The following TRANK1 variants were observed in gnomAD, a reference collection of about 807,000 sequenced individuals.
TRANK1 encodes TPR and ankyrin repeat-containing protein 1.
In TRANK1, 198 loss-of-function variants were observed where a neutral mutation model predicts 266.0. The ratio of observed to expected loss-of-function variants is 0.74; its 90% CI spans 0.66 to 0.84. TRANK1 has a LOEUF of 0.84. Among genes scored for constraint, TRANK1 ranks in the 40% least tolerant of loss-of-function variants. TRANK1 has a pLI of 0.00. For missense variants in TRANK1, 3,326 were observed against 3,634.6 expected (o/e 0.92, Z 2.18); for synonymous variants, 1,396 against 1,384.1 (o/e 1.01, Z -0.19).
intron 3 of TRANK1, among the ~76,000 whole-genome samples, chr3:36,902,056 G>C (rs1056946713): frequency 2.6e-5 from 4 of 152,158 alleles, no homozygotes; most frequent in African/African-American, 9.7e-5. Context: ...GGCCATATTG[G>C]AAGAAGAATT....
intron 1 of TRANK1, 25 bp downstream of exon 1, chr3:36,944,762 C>A: frequency 6.7e-7 from 1 of 1,501,854 alleles, no homozygotes; most frequent in Admixed American, 2.1e-5. Context: ...AGAGATGCCC[C>A]AGTGCTTCCC....
chr3:36,840,417 T>A (rs553541696), intron 18 of TRANK1, among the ~76,000 whole-genome samples: 12 of 152,196 alleles, frequency 7.9e-5, no homozygotes, highest in African/African-American at 2.9e-4. Context: ...TAAATTGTAC[T>A]TTTCACCCCA....
At chr3:36,867,162 T>C (rs1039334683) in intron 9 of TRANK1, among the ~76,000 whole-genome samples, 1 of 149,950 alleles carries the variant, frequency 6.7e-6, no homozygotes, top group African/African-American at 2.5e-5. Flanking sequence ...AAAATACCTA[T>C]GAAGACAAAC....
At chr3:36,938,184 C>T (rs1218868533) in intron 1 of TRANK1, among the ~76,000 whole-genome samples, 3 of 152,098 alleles carry the variant, frequency 2.0e-5, no homozygotes, top group Non-Finnish European at 4.4e-5. Context: ...AATCGGAGTT[C>T]TAGCCTCTGG....
chr3:36,863,628 G>A (rs932890824), intron 10 of TRANK1, among the ~76,000 whole-genome samples: 5 of 152,178 alleles, frequency 3.3e-5, no homozygotes, highest in East Asian at 1.9e-4. Flanking sequence ...ATTATCTCAC[G>A]AGGTTAGTTC....
chr3:36,826,858 C>A lies in TRANK1; in HGVS notation c.*1417G>T, dbSNP rs558267225. On this transcript the variant is annotated 3_prime_UTR_variant, in exon 24 of 24. Coordinates refer to ENST00000645898, the MANE Select transcript of TRANK1 (RefSeq NM_001329998.2). ...TAACTTTATAAAAAATGTGATAATA[C>A]AGCAAGATATTGTTGGGGTTTTCTT... 2 of 151,884 alleles carry A rather than the reference C, an allele frequency of 1.3e-5. No homozygotes were observed. The highest frequency in any genetic ancestry group is 4.8e-5 in the African/African-American group (2 of 41,418). The allele number at this position is 151,884 out of a possible 1,614,324, so 9.4% of individuals were successfully genotyped here. A position where few individuals can be genotyped will look rare whatever the true frequency, so the allele number is the denominator to read the frequency against.
At chr3:36,926,505 C>A (rs2080290408) in intron 1 of TRANK1, among the ~76,000 whole-genome samples, 1 of 152,212 alleles carries the variant, frequency 6.6e-6, no homozygotes, top group South Asian at 2.1e-4. Flanking sequence ...TCATGGCAAT[C>A]ATCCACCGTG....
Position 36,899,097 on chromosome 3 carries a change from GTTCCAAC to G in TRANK1, c.433+5_433+11del, listed in dbSNP as rs777014746. On this transcript the variant is annotated splice_donor_5th_base_variant and intron_variant, in intron 4 of 23. Coordinates refer to ENST00000645898, the MANE Select transcript of TRANK1 (RefSeq NM_001329998.2). ...AAGGACTTTACAAAAAGTCTCCCCA[GTTCCAAC>G]TTACTGCTCATAGTGGTGAAGACTC... 11 of 1,536,888 alleles carry G rather than the reference GTTCCAAC, an allele frequency of 7.2e-6. No homozygotes were observed. The highest frequency in any genetic ancestry group is 9.6e-6 in the Non-Finnish European group (11 of 1,146,832).
At chr3:36,891,593 A>G (rs2079696788) in intron 7 of TRANK1, among the ~76,000 whole-genome samples, 3 of 152,232 alleles carry the variant, frequency 2.0e-5, no homozygotes, top group Non-Finnish European at 4.4e-5. Flanking sequence ...ACAAACTTCT[A>G]TCTAAAGTGT....
chr3:36,833,042 G>A lies in TRANK1; in HGVS notation c.6541C>T (p.Arg2181Trp), dbSNP rs752866562. 1.1e-5 allele frequency: 17 copies of A among 1,612,652 alleles called. No individual in the cohort carries two copies. Among genetic ancestry groups the A allele is most frequent in the Middle Eastern group, 1.6e-4 (1 of 6,084 alleles). The change falls in exon 22 of 24, where the codon CGG (arginine) becomes TGG (tryptophan). Residue 2181 changes from arginine (R) to tryptophan (W), a missense_variant. Physicochemically the swap from Arg to Trp is moderately radical, Grantham distance 101. Transcript: ENST00000645898. ...CGGTAGGTCTTCCCAAGCAGGCTCC[G>A]TGTGATCTGACACAGCCTGCCCAAA... ...HLLGRLCQITRSLLGKTYRGV... is the reference protein window; with the variant it reads ...HLLGRLCQITWSLLGKTYRGV...
chr3:36,869,712 A>C (rs890695794), intron 9 of TRANK1, among the ~76,000 whole-genome samples: 1 of 152,250 alleles, frequency 6.6e-6, no homozygotes, highest in Admixed American at 6.5e-5. Flanking sequence ...TGGGAGCTAA[A>C]GTCTAAAGCT....
chr3:36,927,973 C>T (rs1355986917), intron 1 of TRANK1, among the ~76,000 whole-genome samples: 2 of 152,124 alleles, frequency 1.3e-5, no homozygotes, highest in East Asian at 1.9e-4. Context: ...ACTAAATTCT[C>T]GTGGAATTAC....
intron 9 of TRANK1, 103 bp downstream of exon 9, chr3:36,874,023 T>C (rs902493091): frequency 3.8e-6 from 4 of 1,049,436 alleles, no homozygotes; most frequent in Admixed American, 3.1e-5. Flanking sequence ...TATATATATG[T>C]GTGTGTATAT....
chr3:36,833,969 G>A, intron 21 of TRANK1, 50 bp from the exon 22 acceptor site: 1 of 1,523,750 alleles, frequency 6.6e-7, no homozygotes, highest in Non-Finnish European at 8.7e-7. Context: ...CCAATCAATA[G>A]AAAATTTCCT....
At chr3:36,918,514 AGAAAGAAAGAAAGAAAGAAG>A (rs1285797590) in intron 1 of TRANK1, among the ~76,000 whole-genome samples, 9 of 36,254 alleles carry the variant, frequency 2.5e-4, no homozygotes, top group Non-Finnish European at 2.9e-4. Context: ...AAAGAAAGAA[AGAAAGAAAGAAAGAAAGAAG>A]GAAGGAAGGA....
intron 14 of TRANK1, 36 bp downstream of exon 14, chr3:36,852,110 C>A: frequency 1.3e-6 from 2 of 1,540,758 alleles, no homozygotes; most frequent in Non-Finnish European, 8.7e-7. Flanking sequence ...TGCAAACTGT[C>A]TTTTATTTCA....
intron 1 of TRANK1, among the ~76,000 whole-genome samples, chr3:36,918,492 AAAGAAAGAAAG>A: frequency 5.6e-5 from 1 of 17,804 alleles, no homozygotes; most frequent in East Asian, 1.4e-3. Context: ...AGAAAGAAAG[AAAGAAAGAAAG>A]AAAGAAAGAA....
intron 20 of TRANK1, among the ~76,000 whole-genome samples, chr3:36,836,788 T>G (rs540936959): frequency 6.6e-6 from 1 of 152,294 alleles, no homozygotes; most frequent in South Asian, 2.1e-4. Context: ...TCCCACCACT[T>G]CCACCACCAC....
chr3:36,927,102 T>G (rs1365031430), intron 1 of TRANK1, among the ~76,000 whole-genome samples: 2 of 152,294 alleles, frequency 1.3e-5, no homozygotes, highest in Admixed American at 6.5e-5. Context: ...AATTTGAGGC[T>G]GCAAATGCTG....
Sources: allele counts gnomAD v4.1 joint callset (sites outside exome capture counted in the v4.1 genomes callset), GRCh38; gene constraint gnomAD v4.1.1; transcripts MANE v1.5; gene names NCBI Gene and HGNC (gene_info 2026-07-23, HGNC 2026-07-21).